PRKDC: variants seen among roughly 807,000 people sequenced by gnomAD.
PRKDC encodes DNA-dependent protein kinase catalytic subunit.
A neutral mutation model predicts 486.9 loss-of-function variants in PRKDC; 82 were observed. That is an observed-to-expected ratio of 0.17 (90% CI 0.14 to 0.20). PRKDC has a LOEUF of 0.20. Ranked by LOEUF, PRKDC falls within the 10% of genes least tolerant of loss-of-function variation. The pLI, the probability that PRKDC is intolerant of heterozygous loss-of-function variation, is 1.00. For synonymous variants in PRKDC, 1,895 were observed against 1,837.0 expected, an observed-to-expected ratio of 1.03 and a Z score of -0.81; for missense variants, 4,504 against 5,038.2, an observed-to-expected ratio of 0.89 and a Z score of 3.21.
intron 10 of PRKDC, chr8:47,940,083 A>C (rs561924871): frequency 6.4e-6 from 1 of 155,236 alleles, no homozygotes; most frequent in African/African-American, 2.4e-5. Flanking sequence ...GACTTCAGAC[A>C]TCGTCAATAA....
chr8:47,888,958 T>G, intron 33 of PRKDC, 56 bp downstream of exon 33: 1 of 1,539,780 alleles, frequency 6.5e-7, no homozygotes, highest in South Asian at 1.1e-5. Context: ...CACGGCAACA[T>G]ACTAGGGCCT....
chr8:47,846,099 T>C (rs916723885), intron 54 of PRKDC, among the ~76,000 whole-genome samples: 17 of 152,078 alleles, frequency 1.1e-4, no homozygotes, highest in African/African-American at 3.6e-4. Context: ...TTTCAATAAA[T>C]GGAGAAAAAG....
Position 47,900,449 on chromosome 8 carries a change from C to T in PRKDC, c.3288G>A (p.Val1096=), listed in dbSNP as rs761041422. 1.2e-6 allele frequency: 2 copies of T among 1,609,626 alleles called. No individual in the cohort carries two copies. Among genetic ancestry groups the T allele is most frequent in the East Asian group, 4.5e-5 (2 of 44,826 alleles). ...CCAAGGCTTCAAACACAAACTGTTC[C>T]ACCAGAGACTCTTCTTCCCTGTAAA... ...YREFREEESL[V]EQFVFEALVI... is the part of the protein sequence containing the mutation. Residue 1096 remains valine (V), a synonymous_variant, in exon 28 of 86, where the codon GTG becomes GTA. Coordinates refer to ENST00000314191, the MANE Select transcript of PRKDC (RefSeq NM_006904.7).
intron 23 of PRKDC, 90 bp downstream of exon 23, chr8:47,915,238 G>T: frequency 2.9e-6 from 2 of 691,840 alleles, no homozygotes; most frequent in Non-Finnish European, 4.7e-6. Flanking sequence ...ACATATAGGA[G>T]CAAATATTCA....
chr8:47,851,711 C>T (rs974704095), intron 52 of PRKDC, among the ~76,000 whole-genome samples: 4 of 152,162 alleles, frequency 2.6e-5, no homozygotes, highest in Non-Finnish European at 4.4e-5. Context: ...GGCAGGGGAG[C>T]AGTGAGTGAG....
chr8:47,896,066 A>T (rs1464424661), intron 30 of PRKDC, among the ~76,000 whole-genome samples: 1 of 152,168 alleles, frequency 6.6e-6, no homozygotes, highest in Admixed American at 6.5e-5. Flanking sequence ...TTTAAATGCT[A>T]ATGTTTTTTA....
intron 10 of PRKDC, 111 bp downstream of exon 10, chr8:47,943,098 A>G (rs1466408294): frequency 2.3e-6 from 3 of 1,298,776 alleles, no homozygotes; most frequent in African/African-American, 3.0e-5. Flanking sequence ...TTTAAATACT[A>G]CAGAAGCTAC....
chr8:47,775,200 TAAATA>T (rs1254139375), intron 85 of PRKDC, among the ~76,000 whole-genome samples: 19 of 150,778 alleles, frequency 1.3e-4, no homozygotes, highest in Admixed American at 4.0e-4. Context: ...AATAAATAAA[TAAATA>T]AATAAATAAA....
At chr8:47,945,850 T>C (rs1035283727) in intron 7 of PRKDC, among the ~76,000 whole-genome samples, 5 of 152,028 alleles carry the variant, frequency 3.3e-5, no homozygotes, top group African/African-American at 1.2e-4. Context: ...GCCTCCCGAG[T>C]AGCTGGGATT....
At chr8:47,934,196 A>C in intron 14 of PRKDC, 106 bp from the exon 15 acceptor site, 1 of 1,262,260 alleles carries the variant, frequency 7.9e-7, no homozygotes, top group Non-Finnish European at 1.1e-6. Context: ...ACTGCCACCC[A>C]TAGGAGACCA....
chr8:47,928,971 T>G, intron 19 of PRKDC, 121 bp downstream of exon 19: 200 of 794,240 alleles, frequency 2.5e-4, no homozygotes, highest in Middle Eastern at 3.7e-4. Flanking sequence ...ATTAAGGGCA[T>G]GAGCCACCGC....
At chr8:47,928,840 C>T (rs1198621528) in intron 19 of PRKDC, among the ~76,000 whole-genome samples, 1 of 152,002 alleles carries the variant, frequency 6.6e-6, no homozygotes, top group East Asian at 1.9e-4. Context: ...TACAGGCGTG[C>T]ACCACCACGC....
At chr8:47,850,785 G>T (rs942079833) in intron 52 of PRKDC, among the ~76,000 whole-genome samples, 1 of 152,170 alleles carries the variant, frequency 6.6e-6, no homozygotes, top group African/African-American at 2.4e-5. Flanking sequence ...CATTGCGTGG[G>T]AAGAGTGCGA....
chr8:47,782,660 A>G lies in PRKDC; in HGVS notation c.11176-62T>C. The G allele has an allele frequency of 6.6e-7, 1 of 1,514,610 alleles. No homozygotes were observed. Among genetic ancestry groups the G allele is most frequent in the South Asian group, 1.2e-5 (1 of 82,650 alleles). 93.8% of individuals were successfully genotyped at this position (1,514,610 alleles called of 1,614,324 possible). On this transcript the variant is annotated intron_variant, in intron 78 of 85. Coordinates refer to ENST00000314191, the MANE Select transcript of PRKDC (RefSeq NM_006904.7). This position sits in a 1 kb window ranked among gnomAD's most constrained non-coding sequence, Gnocchi z 4.9. ...AGCCACGTGTCAAACTCAGAGGGAAAAGCCAGAGTGGCTGTGAGCATTCCT... is the reference window on the plus strand; with the variant it reads ...AGCCACGTGTCAAACTCAGAGGGAAGAGCCAGAGTGGCTGTGAGCATTCCT...
Position 47,837,264 on chromosome 8 carries a change from G to A in PRKDC, c.7709C>T (p.Pro2570Leu), listed in dbSNP as rs1282206069. Residue 2570 changes from proline (P) to leucine (L), a missense_variant, in exon 57 of 86, where the codon CCA (proline) becomes CTA (leucine). Transcript: ENST00000314191. ...NFLLEMTSMS[P>L]DYPNPMFEHP... is the part of the protein sequence containing the mutation. Reference sequence around the variant, plus strand: ...CTCGAACATGGGGTTTGGATAATCTGGGCTCATGCTGGTCATTTCGAGCAG... The same window carrying A: ...CTCGAACATGGGGTTTGGATAATCTAGGCTCATGCTGGTCATTTCGAGCAG... 3.7e-6 allele frequency: 6 copies of A among 1,613,782 alleles called. No individual in the cohort carries two copies. The highest frequency in any genetic ancestry group is 1.1e-5 in the South Asian group (1 of 91,056).
chr8:47,858,770 G>C, intron 47 of PRKDC, 79 bp downstream of exon 47: 1 of 1,516,248 alleles, frequency 6.6e-7, no homozygotes. Context: ...GTTTGGTTTT[G>C]TTTTCAATAT....
chr8:47,938,805 G>A lies in PRKDC; in HGVS notation c.1113+746C>T, dbSNP rs907999632. ...TCAAACCCCTGACCTCAGGCAATCTGCCCGCCTCGGCCTCCCAAAGCGGTG... is the reference window on the plus strand; with the variant it reads ...TCAAACCCCTGACCTCAGGCAATCTACCCGCCTCGGCCTCCCAAAGCGGTG... On this transcript the variant is annotated intron_variant, in intron 11 of 85. Coordinates refer to ENST00000314191, the MANE Select transcript of PRKDC (RefSeq NM_006904.7). 6.6e-5 allele frequency among the ~76,000 whole-genome samples: 10 copies of A among 152,234 alleles called. No homozygotes were observed. The South Asian group carries it at 1.4e-3, about 22-fold the overall frequency.
chr8:47,954,779 C>A (rs1439877434), intron 4 of PRKDC, among the ~76,000 whole-genome samples: 1 of 152,094 alleles, frequency 6.6e-6, no homozygotes, highest in Non-Finnish European at 1.5e-5. Flanking sequence ...AAGGAGCAAC[C>A]AGAAACAAAG....
In PRKDC at chr8:47,839,521, G is replaced by A. The variant is rs8178176; in HGVS notation, c.7455-275C>T. Among the ~76,000 whole-genome samples, 4,361 of 152,230 alleles carry A rather than the reference G, an allele frequency of 0.029. 216 individuals carry two copies. Among genetic ancestry groups the A allele is most frequent in the African/African-American group, 0.097 (4,038 of 41,516 alleles). ...CAGCTGTGGTGGTGTGGTAGTGCCC[G>A]GTGGTCCTGGCAGAGTTCATCTCCT... On this transcript the variant is annotated intron_variant, in intron 55 of 85. Coordinates refer to ENST00000314191, the MANE Select transcript of PRKDC (RefSeq NM_006904.7).
Sources: gnomAD v4.1 joint callset for allele counts (sites outside exome capture counted in the v4.1 genomes callset) on GRCh38, gnomAD v4.1.1 for gene constraint, Gnocchi (gnomAD v3.1) non-coding constraint, MANE v1.5 for transcripts, NCBI Gene and HGNC (gene_info 2026-07-23, HGNC 2026-07-21) for gene names.